Variants in TTC28 observed in about 807,000 individuals in gnomAD.
The protein encoded by TTC28 is tetratricopeptide repeat protein 28.
Under a neutral mutation model 198.0 loss-of-function variants are expected in TTC28, and 61 were observed. The ratio of observed to expected loss-of-function variants is 0.31; its 90% confidence interval spans 0.25 to 0.38. The LOEUF is 0.38. Among genes scored for constraint, TTC28 ranks in the 10% least tolerant of loss-of-function variants. TTC28 has a pLI of 1.00. For synonymous variants in TTC28, 1,171 were observed against 1,297.8 expected (o/e 0.90, Z 2.10); for missense variants, 2,678 against 3,164.0 (o/e 0.85, Z 3.69).
rs1053139903 is a variant in TTC28, at chr22:28,604,297, T to TACATATATATA, written c.381+25254_381+25255insTATATATATGT. Among the ~76,000 whole-genome samples, 12 of 114,138 alleles carry TACATATATATA rather than the reference T, an allele frequency of 1.1e-4. 1 individual carries two copies. The highest frequency in any genetic ancestry group is 3.9e-4 in the African/African-American group (11 of 28,508). The allele number at this position is 114,138 out of a possible 152,430, so 74.9% of individuals were successfully genotyped here. On this transcript the variant is annotated intron_variant, in intron 2 of 22. Transcript: ENST00000397906. ...AGTCTTAAACAGAAAAAAAAAAAAA[T>TACATATATATA]TATATATATATATATATATATATAT...
intron 2 of TTC28, among the ~76,000 whole-genome samples, chr22:28,464,504 A>G (rs1007520915): frequency 2.6e-4 from 40 of 152,008 alleles, no homozygotes; most frequent in Non-Finnish European, 5.4e-4. Flanking sequence ...ATCTTTTATG[A>G]TTTCTTGATT....
chr22:28,420,565 CAAA>C (rs4035770), intron 2 of TTC28, among the ~76,000 whole-genome samples: 148 of 97,998 alleles, frequency 1.5e-3, no homozygotes, highest in Non-Finnish European at 1.8e-3. Context: ...CTAAAAAATG[CAAA>C]AAAAAAAAAA....
chr22:28,362,266 T>C (rs950342775), intron 2 of TTC28, among the ~76,000 whole-genome samples: 1 of 152,166 alleles, frequency 6.6e-6, no homozygotes, highest in African/African-American at 2.4e-5. Context: ...TGAGATCTGA[T>C]GGTTTTATAA....
chr22:28,122,576 A>C (rs1489810376), intron 6 of TTC28, among the ~76,000 whole-genome samples: 5 of 152,116 alleles, frequency 3.3e-5, no homozygotes, highest in Non-Finnish European at 2.9e-5. Flanking sequence ...TAGTGGTTTC[A>C]TTTTGTTTTG....
At chr22:28,071,748 G>GGAA (rs1940982259) in intron 12 of TTC28, among the ~76,000 whole-genome samples, 1 of 91,134 alleles carries the variant, frequency 1.1e-5, no homozygotes, top group African/African-American at 3.9e-5. Flanking sequence ...AAAAAAAAAG[G>GGAA]AAAAAAAAAA....
In TTC28 at chr22:28,001,360, T is replaced by C; in HGVS notation, c.4398+14A>G. 2 of 1,532,882 alleles carry C rather than the reference T, an allele frequency of 1.3e-6. No individual in the cohort carries two copies. The highest frequency in any genetic ancestry group is 1.8e-6 in the Non-Finnish European group (2 of 1,131,824). The allele number at this position is 1,532,882 out of a possible 1,614,324, so 95.0% of individuals were successfully genotyped here. ...AACAAGCCCCCGGCCCCCCACCATGTGTGTGAGCCTTACCTTGGACTGCAC... is the reference window on the plus strand; with the variant it reads ...AACAAGCCCCCGGCCCCCCACCATGCGTGTGAGCCTTACCTTGGACTGCAC... On this transcript the variant is annotated intron_variant, in intron 15 of 22. Coordinates refer to ENST00000397906, the MANE Select transcript of TTC28 (RefSeq NM_001145418.2).
chr22:28,066,776 G>T (rs974259701), intron 12 of TTC28, among the ~76,000 whole-genome samples: 2 of 152,064 alleles, frequency 1.3e-5, no homozygotes, highest in Non-Finnish European at 2.9e-5. Context: ...CTACAGGGTG[G>T]GTCCCCCTAA....
intron 2 of TTC28, among the ~76,000 whole-genome samples, chr22:28,339,580 CT>C (rs1413827491): frequency 6.6e-6 from 1 of 152,202 alleles, no homozygotes; most frequent in Non-Finnish European, 1.5e-5. Context: ...CTACTCAAGC[CT>C]TGGCAATGGC....
intron 2 of TTC28, among the ~76,000 whole-genome samples, chr22:28,412,189 G>T (rs1311152125): frequency 6.6e-6 from 1 of 152,154 alleles, no homozygotes; most frequent in Non-Finnish European, 1.5e-5. Context: ...TTCTTTAGAA[G>T]ATGAATGGAG....
chr22:28,391,604 G>A (rs1400673912), intron 2 of TTC28, among the ~76,000 whole-genome samples: 8 of 151,784 alleles, frequency 5.3e-5, no homozygotes, highest in African/African-American at 1.2e-4. Context: ...ATCTTCCATC[G>A]CTGATACCCT....
intron 2 of TTC28, among the ~76,000 whole-genome samples, chr22:28,318,073 ATTT>A (rs35011623): frequency 1.4e-4 from 19 of 139,808 alleles, no homozygotes; most frequent in Middle Eastern, 3.8e-3. Context: ...CAGCTAATTA[ATTT>A]TTTTTTTTTT....
chr22:28,138,365 C>T (rs144625196), intron 6 of TTC28, among the ~76,000 whole-genome samples: 6 of 152,308 alleles, frequency 3.9e-5, no homozygotes, highest in Non-Finnish European at 7.4e-5. Context: ...TTTTCAAATG[C>T]TCCAATAAAT....
Position 27,999,007 on chromosome 22 carries a change from CAGG to C in TTC28, c.4649_4651del (p.Ser1550del), listed in dbSNP as rs1937603792. 1.3e-6 allele frequency: 2 copies of C among 1,550,476 alleles called. No homozygotes were observed. Among genetic ancestry groups the C allele is most frequent in the South Asian group, 1.2e-5 (1 of 84,064 alleles). ...CGTGAGGACCAAGGCCGACAGCTTC[CAGG>C]AGATGTGGGTGGCAAAGTGGACGCA... On this transcript the variant is annotated inframe_deletion, in exon 16 of 23. Transcript: ENST00000397906.
chr22:28,455,948 A>G (rs906678048), intron 2 of TTC28, among the ~76,000 whole-genome samples: 13 of 152,066 alleles, frequency 8.5e-5, no homozygotes, highest in Admixed American at 2.0e-4. Flanking sequence ...TCACAAGGTC[A>G]GGAGTTGGAG....
chr22:28,130,180 CTT>C (rs1943026586), intron 6 of TTC28, among the ~76,000 whole-genome samples: 1 of 152,038 alleles, frequency 6.6e-6, no homozygotes, highest in South Asian at 2.1e-4. Context: ...ATAGTCTTTC[CTT>C]TCTCTTTTTT....
chr22:28,053,941 C>T (rs1177748165), intron 12 of TTC28, among the ~76,000 whole-genome samples: 1 of 152,192 alleles, frequency 6.6e-6, no homozygotes, highest in Non-Finnish European at 1.5e-5. Context: ...ACACATTACA[C>T]ATTCTTATTT....
chr22:28,333,760 T>C (rs1035727318), intron 2 of TTC28, among the ~76,000 whole-genome samples: 12 of 152,210 alleles, frequency 7.9e-5, no homozygotes, highest in African/African-American at 2.9e-4. Context: ...TTGTTAATTA[T>C]GGTGAAAAAA....
At chr22:28,204,881 A>G (rs1926265982) in intron 5 of TTC28, among the ~76,000 whole-genome samples, 1 of 152,184 alleles carries the variant, frequency 6.6e-6, no homozygotes, top group African/African-American at 2.4e-5. Context: ...CTAAATGATG[A>G]GGACTCCTGG....
At chr22:28,418,860 GA>G (rs1303212187) in intron 2 of TTC28, among the ~76,000 whole-genome samples, 1 of 152,158 alleles carries the variant, frequency 6.6e-6, no homozygotes, top group East Asian at 1.9e-4. Flanking sequence ...TTGGAAGTGG[GA>G]AAATCAGAAG....
Sources: allele counts gnomAD v4.1 joint callset (sites outside exome capture counted in the v4.1 genomes callset), GRCh38; gene constraint gnomAD v4.1.1; transcripts MANE v1.5; gene names NCBI Gene and HGNC (gene_info 2026-07-23, HGNC 2026-07-21).